POU6F2: variants seen among roughly 807,000 people sequenced by gnomAD.
The protein encoded by POU6F2 is POU class 6 homeobox 2, also known as POU domain, class 6, transcription factor 2.
A neutral mutation model predicts 71.3 loss-of-function variants in POU6F2; 31 were observed. The observed-to-expected ratio is 0.43, with a 90% CI of 0.33 to 0.59. POU6F2 has a LOEUF of 0.59. Among genes scored for constraint, POU6F2 ranks in the 20% least tolerant of loss-of-function variants. The pLI is 0.04. For missense variants in POU6F2, 783 were observed against 856.8 expected, an observed-to-expected ratio of 0.91 and a Z score of 1.07; for synonymous variants, 347 against 355.7, an observed-to-expected ratio of 0.98 and a Z score of 0.27.
At chr7:39,427,134 C>T (rs1256395318) in intron 6 of POU6F2, among the ~76,000 whole-genome samples, 1 of 152,154 alleles carries the variant, frequency 6.6e-6, no homozygotes, top group South Asian at 2.1e-4. Flanking sequence ...TAAAATTAAG[C>T]TACGAATGAC....
chr7:39,193,319 C>T (rs1413533056), intron 2 of POU6F2, among the ~76,000 whole-genome samples: 1 of 152,160 alleles, frequency 6.6e-6, no homozygotes. Context: ...TTCCCCTTCC[C>T]CCACTTCTCT....
chr7:39,204,900 G>A lies in POU6F2; in HGVS notation c.369+574G>A, dbSNP rs1349479307. 5.8e-5 allele frequency among the ~76,000 whole-genome samples: 8 copies of A among 138,530 alleles called. No individual in the cohort carries two copies. In the South Asian group the frequency reaches 1.9e-3, roughly 33 times the overall value. The allele number at this position is 138,530 out of a possible 152,430, so 90.9% of individuals were successfully genotyped here. A position where few individuals can be genotyped will look rare whatever the true frequency, so the allele number is the denominator to read the frequency against. ...GTAGAACACAATTATAAAAGGCTGGGCTTTTTTTTTTTTTTTTCCTTTTTA... is the reference window on the plus strand; with the variant it reads ...GTAGAACACAATTATAAAAGGCTGGACTTTTTTTTTTTTTTTTCCTTTTTA... On this transcript the variant is annotated intron_variant, in intron 3 of 9. Transcript: ENST00000518318.
chr7:39,018,158 C>G (rs1789603718), intron 1 of POU6F2, among the ~76,000 whole-genome samples: 1 of 152,140 alleles, frequency 6.6e-6, no homozygotes, highest in African/African-American at 2.4e-5. Flanking sequence ...GGTAATGGCT[C>G]ACAGAAATCT....
At chr7:39,207,699 C>A in intron 4 of POU6F2, 79 bp downstream of exon 4, 1 of 1,340,168 alleles carries the variant, frequency 7.5e-7, no homozygotes, top group Non-Finnish European at 1.0e-6. Context: ...AAAAAATGTG[C>A]CTAGAATGGT....
At chr7:39,086,105 C>T (rs536553234) in intron 2 of POU6F2, 74 bp downstream of exon 2, 10 of 1,424,898 alleles carry the variant, frequency 7.0e-6, no homozygotes, top group Non-Finnish European at 9.4e-6. Context: ...CCCAACCCCC[C>T]CTTTTTTTCT....
At chr7:39,448,999 T>C (rs1788590524) in intron 7 of POU6F2, among the ~76,000 whole-genome samples, 1 of 152,250 alleles carries the variant, frequency 6.6e-6, no homozygotes, top group South Asian at 2.1e-4. Flanking sequence ...CTCAGCAGTT[T>C]GGCTAATTAC....
chr7:39,347,482 G>T (rs925316873), intron 5 of POU6F2, among the ~76,000 whole-genome samples: 1 of 152,126 alleles, frequency 6.6e-6, no homozygotes, highest in Non-Finnish European at 1.5e-5. Context: ...ACACTAAAGG[G>T]CATCTCAGAG....
intron 6 of POU6F2, among the ~76,000 whole-genome samples, chr7:39,417,943 A>G (rs1344799610): frequency 6.6e-6 from 1 of 152,206 alleles, no homozygotes; most frequent in African/African-American, 2.4e-5. Context: ...GCAATAATAA[A>G]TTAATATGTT....
At chr7:39,193,915 C>T (rs1239651901) in intron 2 of POU6F2, among the ~76,000 whole-genome samples, 2 of 152,108 alleles carry the variant, frequency 1.3e-5, no homozygotes, top group African/African-American at 2.4e-5. Flanking sequence ...TAATCATAAA[C>T]ACCTAATAGG....
chr7:39,239,153 CAGAG>C (rs1283753297), intron 4 of POU6F2, among the ~76,000 whole-genome samples: 2 of 152,044 alleles, frequency 1.3e-5, no homozygotes, highest in East Asian at 1.9e-4. Context: ...ATATGAAAGA[CAGAG>C]AGACAGAGAA....
At chr7:39,260,732 CT>C (rs1213316807) in intron 4 of POU6F2, among the ~76,000 whole-genome samples, 1 of 151,744 alleles carries the variant, frequency 6.6e-6, no homozygotes, top group African/African-American at 2.4e-5. Flanking sequence ...ACTACACCAC[CT>C]GCACACAACA....
At chr7:39,189,897 C>T (rs1793625006) in intron 2 of POU6F2, among the ~76,000 whole-genome samples, 1 of 151,946 alleles carries the variant, frequency 6.6e-6, no homozygotes, top group African/African-American at 2.4e-5. Flanking sequence ...GAGATGCCCC[C>T]ATGGTGTATG....
rs368825163 is a variant in POU6F2, at chr7:39,195,936, T to C, written c.278-8299T>C. ...CCCAAAACGCTCTTCTCTCTCTCTC[T>C]CCTCACCTAAGCTAGTCCCACAATT... On this transcript the variant is annotated intron_variant, in intron 2 of 9. Transcript: ENST00000518318. Among the ~76,000 whole-genome samples, 13 of 152,252 alleles carry C rather than the reference T, an allele frequency of 8.5e-5. No individual in the cohort carries two copies. In the East Asian group the frequency reaches 1.4e-3, roughly 16 times the overall value.
Position 39,173,754 on chromosome 7 carries a change from C to G in POU6F2, c.278-30481C>G, listed in dbSNP as rs149743746. 2.0e-3 allele frequency among the ~76,000 whole-genome samples: 308 copies of G among 152,302 alleles called. 2 individuals are homozygous for G. Among genetic ancestry groups the G allele is most frequent in the African/African-American group, 7.2e-3 (300 of 41,554 alleles). On this transcript the variant is annotated intron_variant, in intron 2 of 9. Coordinates refer to ENST00000518318, the MANE Select transcript of POU6F2 (RefSeq NM_001370959.1). Reference sequence around the variant, plus strand: ...CTTCTCCAGGGCTCCTTTTGGTCCTCCTCTAATAGAGGCCTACACTATTTC... The same window carrying G: ...CTTCTCCAGGGCTCCTTTTGGTCCTGCTCTAATAGAGGCCTACACTATTTC...
chr7:39,240,938 T>C (rs1783714473), intron 4 of POU6F2, among the ~76,000 whole-genome samples: 1 of 152,156 alleles, frequency 6.6e-6, no homozygotes. Flanking sequence ...GCATTTTTAT[T>C]GGCTCAACAG....
At chr7:39,278,146 C>T (rs138024622) in intron 4 of POU6F2, among the ~76,000 whole-genome samples, 96 of 149,274 alleles carry the variant, frequency 6.4e-4, no homozygotes, top group Middle Eastern at 3.6e-3. Context: ...TGGTGGGGGA[C>T]GTAGATGAGA....
At chr7:39,175,675 AG>A (rs1793312098) in intron 2 of POU6F2, among the ~76,000 whole-genome samples, 1 of 152,194 alleles carries the variant, frequency 6.6e-6, no homozygotes, top group Non-Finnish European at 1.5e-5. Context: ...TTTTTAATGA[AG>A]AAAGGGGCCC....
chr7:39,386,834 C>T (rs1786954857), intron 5 of POU6F2, among the ~76,000 whole-genome samples: 1 of 152,230 alleles, frequency 6.6e-6, no homozygotes, highest in African/African-American at 2.4e-5. Context: ...CTTCAACGCA[C>T]ACACAAAAAC....
Position 39,141,863 on chromosome 7 carries a change from G to A in POU6F2, c.277+55832G>A, listed in dbSNP as rs541654542. 1.0e-3 allele frequency among the ~76,000 whole-genome samples: 155 copies of A among 152,210 alleles called. No individual in the cohort carries two copies. The Middle Eastern group carries it at 0.01, about 10-fold the overall frequency. On this transcript the variant is annotated intron_variant, in intron 2 of 9. Coordinates refer to ENST00000518318, the MANE Select transcript of POU6F2 (RefSeq NM_001370959.1). ...AGCACTTTGGGAGGCCGAGGTGAGC[G>A]GATCACGAGGTCAGGAGATCAAGAC... is the stretch of plus-strand genomic sequence containing the variant.
Sources: allele counts gnomAD v4.1 joint callset (sites outside exome capture counted in the v4.1 genomes callset), GRCh38; gene constraint gnomAD v4.1.1; transcripts MANE v1.5; gene names NCBI Gene and HGNC (gene_info 2026-07-23, HGNC 2026-07-21).